GLIS1: variants seen among roughly 807,000 people sequenced by gnomAD.
The protein encoded by GLIS1 is GLIS family zinc finger 1.
Under a neutral mutation model 63.8 loss-of-function variants are expected in GLIS1, and 24 were observed. The observed-to-expected ratio is 0.38, with a 90% CI of 0.27 to 0.53. The LOEUF is 0.53. Among genes scored for constraint, GLIS1 ranks in the 20% least tolerant of loss-of-function variants. The pLI, the probability that GLIS1 is intolerant of heterozygous loss-of-function variation, is 0.85. For missense variants in GLIS1, 1,036 were observed against 1,074.1 expected (o/e 0.96, Z 0.50); for synonymous variants, 450 against 482.5 (o/e 0.93, Z 0.88).
Position 53,546,057 on chromosome 1 carries a change from C to T in GLIS1, c.1321-16105G>A, listed in dbSNP as rs915201738. ...TTGCCGAAGGGCAGGGGATACAGCT[C>T]ATGGTGACAGTGGTGTGCCTGCATC... is the stretch of plus-strand genomic sequence containing the variant. On this transcript the variant is annotated intron_variant, in intron 4 of 10. Transcript: ENST00000628545. 2.0e-5 allele frequency among the ~76,000 whole-genome samples: 3 copies of T among 152,240 alleles called. 1 individual carries two copies. Among genetic ancestry groups the T allele is most frequent in the Admixed American group, 2.0e-4 (3 of 15,288 alleles).
intron 2 of GLIS1, among the ~76,000 whole-genome samples, chr1:53,635,539 C>T (rs891584540): frequency 1.3e-5 from 2 of 148,270 alleles, no homozygotes; most frequent in African/African-American, 2.5e-5. Context: ...ATATCCACCA[C>T]AAGATGTTAA....
intron 2 of GLIS1, among the ~76,000 whole-genome samples, chr1:53,625,782 T>TC (rs1278230502): frequency 6.6e-6 from 1 of 151,956 alleles, no homozygotes; most frequent in East Asian, 1.9e-4. Context: ...TAATTCCCAA[T>TC]CCCCCCTTCA....
rs1645301767 is a variant in GLIS1 at position 53,600,191 on chromosome 1, C to G, written c.347G>C (p.Cys116Ser). ...TCCTGCAGGGAGAAACAGGCCCTGG[C>G]AGCAGGTGGGGCCAGGGCCCTCAGC... ...DLAEGPGPTC[C>S]QGLFLPAGSP... Residue 116 changes from cysteine (C) to serine (S), a missense_variant, in exon 3 of 11, where the codon TGC (cysteine) becomes TCC (serine). Around this residue, in one of 3 missense-constraint regions of GLIS1, gnomAD observed 592 missense variants for 593.9 expected, o/e 1.00. Transcript: ENST00000628545. 4 of 1,231,792 alleles carry G rather than the reference C, an allele frequency of 3.2e-6. No individual in the cohort carries two copies. The highest frequency in any genetic ancestry group is 4.0e-6 in the Non-Finnish European group (4 of 987,790). The allele number at this position is 1,231,792 out of a possible 1,614,324, so 76.3% of individuals were successfully genotyped here.
Position 53,665,590 on chromosome 1 carries a change from A to C in GLIS1, c.260-65312T>G, listed in dbSNP as rs961514302. ...CTTGAGCCCAGGTGTTCGATGCTGC[A>C]GTGAGCTATGATCATGCCACTGCAC... On this transcript the variant is annotated intron_variant, in intron 2 of 10. Coordinates refer to ENST00000628545, the MANE Select transcript of GLIS1 (RefSeq NM_001367484.1). Among the ~76,000 whole-genome samples, 50 of 152,148 alleles carry C rather than the reference A, an allele frequency of 3.3e-4. 1 individual carries two copies. The highest frequency in any genetic ancestry group is 2.4e-3 in the Admixed American group (36 of 15,284).
chr1:53,587,789 C>T (rs1231934316), intron 4 of GLIS1, among the ~76,000 whole-genome samples: 2 of 152,198 alleles, frequency 1.3e-5, no homozygotes. Context: ...GACCCCAGGA[C>T]CCAGCCAGGG....
At chr1:53,551,867 T>C (rs1174563881) in intron 4 of GLIS1, among the ~76,000 whole-genome samples, 1 of 152,106 alleles carries the variant, frequency 6.6e-6, no homozygotes, top group African/African-American at 2.4e-5. Flanking sequence ...TCCTCCTGTG[T>C]ATATGTCTGT....
chr1:53,568,569 C>T (rs1249133305), intron 4 of GLIS1, among the ~76,000 whole-genome samples: 1 of 152,104 alleles, frequency 6.6e-6, no homozygotes, highest in East Asian at 1.9e-4. Context: ...TCTGTGTCCC[C>T]ACCCAAATTT....
intron 2 of GLIS1, among the ~76,000 whole-genome samples, chr1:53,712,717 A>G (rs1646658438): frequency 6.6e-6 from 1 of 152,178 alleles, no homozygotes. Flanking sequence ...TGGCTTGCAG[A>G]GCCTGCCCTC....
At chr1:53,507,457 G>A (rs1206029725) in intron 10 of GLIS1, among the ~76,000 whole-genome samples, 1 of 152,154 alleles carries the variant, frequency 6.6e-6, no homozygotes, top group African/African-American at 2.4e-5. Context: ...TGGGGCCACC[G>A]CTCAGAGGCC....
intron 2 of GLIS1, among the ~76,000 whole-genome samples, chr1:53,619,192 G>C (rs1041343557): frequency 3.3e-5 from 5 of 152,174 alleles, no homozygotes; most frequent in African/African-American, 1.2e-4. Context: ...ACCCTTTCTG[G>C]CATGGGCCAA....
At chr1:53,699,752 C>T (rs552841959) in intron 2 of GLIS1, among the ~76,000 whole-genome samples, 4 of 152,272 alleles carry the variant, frequency 2.6e-5, no homozygotes, top group Non-Finnish European at 5.9e-5. Flanking sequence ...CTCTTCCCAG[C>T]TTGTGGACAG....
At chr1:53,616,452 C>T (rs183260208) in intron 2 of GLIS1, among the ~76,000 whole-genome samples, 52 of 152,316 alleles carry the variant, frequency 3.4e-4, no homozygotes, top group Admixed American at 3.2e-3. Flanking sequence ...TTAAATCAAG[C>T]TAATTAGGTA....
chr1:53,506,494 G>C lies in GLIS1; in HGVS notation c.*125C>G. The C allele has an allele frequency of 9.4e-7, 1 of 1,058,554 alleles. No individual in the cohort carries two copies. The highest frequency in any genetic ancestry group is 1.5e-5 in the South Asian group (1 of 67,400). 65.6% of individuals were successfully genotyped at this position (1,058,554 alleles called of 1,614,324 possible). On this transcript the variant is annotated 3_prime_UTR_variant, in exon 11 of 11. Coordinates refer to ENST00000628545, the MANE Select transcript of GLIS1 (RefSeq NM_001367484.1). ...GGGGTGGCAGCGCTGGCTCCCCTGGGTCATGGCCTGGCTGTTCCGGCTGTG... is the reference window on the plus strand; with the variant it reads ...GGGGTGGCAGCGCTGGCTCCCCTGGCTCATGGCCTGGCTGTTCCGGCTGTG...
chr1:53,633,444 TGTGACTGAGGGGTGTGAATGA>T (rs1645690850), intron 2 of GLIS1, among the ~76,000 whole-genome samples: 1 of 142,314 alleles, frequency 7.0e-6, no homozygotes, highest in East Asian at 2.0e-4. Context: ...TGTGAATGAG[TGTGACTGAGGGGTGTGAATGA>T]GTGGCTGAGG....
intron 2 of GLIS1, among the ~76,000 whole-genome samples, chr1:53,643,462 T>C (rs762359253): frequency 3.9e-5 from 6 of 152,212 alleles, no homozygotes; most frequent in Non-Finnish European, 8.8e-5. Context: ...TCAGACTCCA[T>C]CATGCACAGA....
intron 3 of GLIS1, among the ~76,000 whole-genome samples, chr1:53,597,206 AAAAAAC>A (rs1308592002): frequency 1.9e-4 from 27 of 139,338 alleles, no homozygotes; most frequent in African/African-American, 4.8e-4. Context: ...AAAAAAAAAA[AAAAAAC>A]ACTACAAAAA....
intron 4 of GLIS1, among the ~76,000 whole-genome samples, chr1:53,547,462 A>G (rs988496583): frequency 7.2e-5 from 11 of 152,202 alleles, no homozygotes; most frequent in African/African-American, 2.7e-4. Context: ...CCTGAGCTCT[A>G]CTGTACTTCT....
At chr1:53,686,942 C>T (rs1646343105) in intron 2 of GLIS1, among the ~76,000 whole-genome samples, 1 of 152,158 alleles carries the variant, frequency 6.6e-6, no homozygotes, top group Admixed American at 6.5e-5. Flanking sequence ...AACTTCCTGA[C>T]AGTGTTGAGC....
chr1:53,547,376 T>C (rs886936268), intron 4 of GLIS1, among the ~76,000 whole-genome samples: 1 of 152,236 alleles, frequency 6.6e-6, no homozygotes, highest in Non-Finnish European at 1.5e-5. Flanking sequence ...GCATGCTCAA[T>C]GGGGCTGAAG....
Sources: gnomAD v4.1 joint callset for allele counts (sites outside exome capture counted in the v4.1 genomes callset) on GRCh38, gnomAD v4.1.1 for gene constraint, gnomAD v4.1.1 regional missense constraint, MANE v1.5 for transcripts, NCBI Gene and HGNC (gene_info 2026-07-23, HGNC 2026-07-21) for gene names.